NFIC: variants seen among roughly 807,000 people sequenced by gnomAD.
NFIC encodes the protein nuclear factor I C.
Under a neutral mutation model 54.4 loss-of-function variants are expected in NFIC, and 12 were observed. The observed-to-expected ratio is 0.22, with a 90% CI of 0.14 to 0.36. The LOEUF (loss-of-function observed/expected upper bound fraction) is 0.36. NFIC is among the 10% of genes least tolerant of loss of function. NFIC has a pLI of 1.00. For missense variants in NFIC, 575 were observed against 718.2 expected, an observed-to-expected ratio of 0.80 and a Z score of 2.28; for synonymous variants, 322 against 319.2, an observed-to-expected ratio of 1.01 and a Z score of -0.09.
In NFIC at chr19:3,370,925, T is replaced by C. The variant is rs909901780; in HGVS notation, c.30+4259T>C. ...ACACAGCGTGCGGGCACCCAAGTCCTGACCAGTTCACATCCATGAGCACAC... is the reference window on the plus strand; with the variant it reads ...ACACAGCGTGCGGGCACCCAAGTCCCGACCAGTTCACATCCATGAGCACAC... On this transcript the variant is annotated intron_variant, in intron 1 of 10. Coordinates refer to ENST00000443272, the MANE Select transcript of NFIC (RefSeq NM_001245002.2). The surrounding 1 kb of genome is among the most constrained non-coding windows in gnomAD (Gnocchi z 5.2). 6.6e-6 allele frequency among the ~76,000 whole-genome samples: 1 copy of C among 152,214 alleles called. No individual in the cohort carries two copies. The highest frequency in any genetic ancestry group is 2.4e-5 in the African/African-American group (1 of 41,444).
chr19:3,363,289 T>TTTTTTTTG (rs2080841753), upstream of NFIC, among the ~76,000 whole-genome samples: 1 of 101,210 alleles, frequency 9.9e-6, no homozygotes, highest in Non-Finnish European at 2.1e-5. Context: ...TTTTTTTTTT[T>TTTTTTTTG]GAGATGGAGT....
chr19:3,434,374 A>G lies in NFIC; in HGVS notation c.807A>G (p.Arg269=). The change falls in exon 5 of 11, where the codon AGA becomes AGG. Residue 269 remains arginine (R), a synonymous_variant. Coordinates refer to ENST00000443272, the MANE Select transcript of NFIC (RefSeq NM_001245002.2). ...ACCCAGCCAGCACTGGCCTCAGAAG[A>G]ACGCTGCCCAGCACCTCCTCCAGTG... ...DLNPASTGLR[R]TLPSTSSSGS... 1 of 1,611,596 alleles carries G rather than the reference A, an allele frequency of 6.2e-7. No homozygotes were observed. The highest frequency in any genetic ancestry group is 8.5e-7 in the Non-Finnish European group (1 of 1,178,972).
chr19:3,415,487 C>A (rs1432410044), intron 2 of NFIC, among the ~76,000 whole-genome samples: 2 of 152,072 alleles, frequency 1.3e-5, no homozygotes, highest in African/African-American at 4.8e-5. Flanking sequence ...TGCCTCCACT[C>A]CCCCAACCCC....
intron 2 of NFIC, among the ~76,000 whole-genome samples, chr19:3,390,377 G>C (rs1026550869): frequency 3.9e-5 from 6 of 152,214 alleles, no homozygotes; most frequent in African/African-American, 1.4e-4. Flanking sequence ...AGAGGGACGG[G>C]CAGGTGGGGG....
intron 2 of NFIC, among the ~76,000 whole-genome samples, chr19:3,393,506 C>A (rs1027113281): frequency 2.6e-5 from 4 of 151,894 alleles, no homozygotes; most frequent in Non-Finnish European, 5.9e-5. Context: ...AGTTCCAGAC[C>A]CAGGGGTCCA....
intron 2 of NFIC, among the ~76,000 whole-genome samples, chr19:3,422,675 C>CAT (rs2081971126): frequency 6.6e-6 from 1 of 151,890 alleles, no homozygotes; most frequent in Non-Finnish European, 1.5e-5. Flanking sequence ...CGAGATCATG[C>CAT]CACTGCACTC....
At chr19:3,438,597 C>T (rs2082243883) in intron 6 of NFIC, among the ~76,000 whole-genome samples, 1 of 152,044 alleles carries the variant, frequency 6.6e-6, no homozygotes, top group Non-Finnish European at 1.5e-5. Context: ...ACTACCACGC[C>T]CGGCTAATTT....
chr19:3,389,514 T>A (rs1347148894), intron 2 of NFIC, among the ~76,000 whole-genome samples: 1 of 152,144 alleles, frequency 6.6e-6, no homozygotes, highest in Non-Finnish European at 1.5e-5. Context: ...GGTGCCTGTT[T>A]ATTTGTATGG....
At chr19:3,402,404 GTC>G (rs2081573129) in intron 2 of NFIC, among the ~76,000 whole-genome samples, 1 of 152,052 alleles carries the variant, frequency 6.6e-6, no homozygotes, top group African/African-American at 2.4e-5. Flanking sequence ...ATGTCTCCTT[GTC>G]TCTCTTTTTC....
At chr19:3,377,265 T>C (rs2081124022) in intron 1 of NFIC, among the ~76,000 whole-genome samples, 1 of 128,818 alleles carries the variant, frequency 7.8e-6, no homozygotes, top group African/African-American at 3.1e-5. Flanking sequence ...ACCCGGGAGG[T>C]AGAGTTTGCA....
chr19:3,372,742 T>A (rs2081044180), intron 1 of NFIC, among the ~76,000 whole-genome samples: 1 of 148,838 alleles, frequency 6.7e-6, no homozygotes, highest in Non-Finnish European at 1.5e-5. Flanking sequence ...CAGGGACCAG[T>A]CCCAGCTCAG....
chr19:3,456,311 C>T lies in NFIC; in HGVS notation c.1424-239C>T, dbSNP rs932805731. On this transcript the variant is annotated intron_variant, in intron 9 of 10. Transcript: ENST00000443272. ...TCAGCAGACACCCCGCCCACCTGGGCGATCTCAGCCGTGACCCCCGGGCCC... is the reference window on the plus strand; with the variant it reads ...TCAGCAGACACCCCGCCCACCTGGGTGATCTCAGCCGTGACCCCCGGGCCC... Among the ~76,000 whole-genome samples the T allele has an allele frequency of 6.6e-5, 10 of 152,218 alleles. No individual in the cohort carries two copies. In the South Asian group the frequency reaches 8.3e-4, roughly 13 times the overall value.
rs2080963073 is a variant in NFIC, at chr19:3,369,602, C to T, written c.30+2936C>T. ...GGAGTGGGTGCTGGCGGCCCTGGGG[C>T]ATTCTGGGAGCCCCGGGCCGGGCTC... On this transcript the variant is annotated intron_variant, in intron 1 of 10. Transcript: ENST00000443272. The surrounding 1 kb of genome is among the most constrained non-coding windows in gnomAD (Gnocchi z 4.3). 6.6e-6 allele frequency among the ~76,000 whole-genome samples: 1 copy of T among 152,152 alleles called. No individual in the cohort carries two copies. Among genetic ancestry groups the T allele is most frequent in the African/African-American group, 2.4e-5 (1 of 41,442 alleles).
intron 6 of NFIC, among the ~76,000 whole-genome samples, chr19:3,441,460 C>T (rs1006109754): frequency 6.6e-6 from 1 of 152,286 alleles, no homozygotes; most frequent in Non-Finnish European, 1.5e-5. Flanking sequence ...AAAGAAGGGG[C>T]AGAGCCCCGA....
intron 2 of NFIC, among the ~76,000 whole-genome samples, chr19:3,382,769 G>A (rs557403536): frequency 1.3e-5 from 2 of 149,258 alleles, no homozygotes; most frequent in South Asian, 2.2e-4. Context: ...GTGGTCTGAG[G>A]GGGGAGGCAG....
intron 6 of NFIC, 131 bp from the exon 7 acceptor site, chr19:3,448,883 C>G (rs2082412158): frequency 3.6e-6 from 5 of 1,398,570 alleles, no homozygotes; most frequent in Non-Finnish European, 4.8e-6. Context: ...AGCCTCTCCC[C>G]CTCAGGATTC....
chr19:3,393,652 T>G (rs1201748141), intron 2 of NFIC, among the ~76,000 whole-genome samples: 3 of 150,702 alleles, frequency 2.0e-5, no homozygotes, highest in Non-Finnish European at 3.0e-5. Flanking sequence ...CGGTCTCTAC[T>G]AAAAATACAA....
chr19:3,412,117 C>G (rs1359229623), intron 2 of NFIC, among the ~76,000 whole-genome samples: 4 of 152,236 alleles, frequency 2.6e-5, no homozygotes, highest in African/African-American at 7.2e-5. Flanking sequence ...GGGTCTCAGT[C>G]TGTCACCCAG....
Position 3,375,231 on chromosome 19 carries a change from C to G in NFIC, c.31-6481C>G, listed in dbSNP as rs781579417. Among the ~76,000 whole-genome samples, 4 of 152,140 alleles carry G rather than the reference C, an allele frequency of 2.6e-5. No homozygotes were observed. The highest frequency in any genetic ancestry group is 5.9e-5 in the Non-Finnish European group (4 of 68,008). On this transcript the variant is annotated intron_variant, in intron 1 of 10. Coordinates refer to ENST00000443272, the MANE Select transcript of NFIC (RefSeq NM_001245002.2). This position sits in a 1 kb window ranked among gnomAD's most constrained non-coding sequence, Gnocchi z 4.6. ...CTTCCAGCAGCCTCTTATCACAGCCCCAGTAAGCGCCAGAGCTTGGGTGGC... is the reference window on the plus strand; with the variant it reads ...CTTCCAGCAGCCTCTTATCACAGCCGCAGTAAGCGCCAGAGCTTGGGTGGC...
Sources: allele counts gnomAD v4.1 joint callset (sites outside exome capture counted in the v4.1 genomes callset), GRCh38; gene constraint gnomAD v4.1.1; non-coding constraint Gnocchi (gnomAD v3.1); transcripts MANE v1.5; gene names NCBI Gene and HGNC (gene_info 2026-07-23, HGNC 2026-07-21).